ANO2: variants seen among roughly 807,000 people sequenced by gnomAD.
ANO2 encodes the protein anoctamin 2.
A neutral mutation model predicts 124.2 loss-of-function variants in ANO2; 101 were observed. The observed-to-expected ratio is 0.81, with a 90% CI of 0.69 to 0.96. ANO2 has a LOEUF of 0.96. Ranked by LOEUF, ANO2 falls within the 40% of genes least tolerant of loss-of-function variation. ANO2 has a pLI of 0.00. For missense variants in ANO2, 1,293 were observed against 1,274.5 expected (o/e 1.01, Z -0.22); for synonymous variants, 486 against 482.5 (o/e 1.01, Z -0.09).
At chr12:5,625,948 T>C (rs187002392) in intron 16 of ANO2, among the ~76,000 whole-genome samples, 189 of 152,268 alleles carry the variant, frequency 1.2e-3, no homozygotes, top group Admixed American at 2.4e-3. Context: ...TCAACATTTG[T>C]TGGGAAATAA....
chr12:5,740,689 A>G (rs1951064232), intron 12 of ANO2, among the ~76,000 whole-genome samples: 1 of 152,178 alleles, frequency 6.6e-6, no homozygotes, highest in African/African-American at 2.4e-5. Context: ...GGACAATGGC[A>G]TTTGGGCATT....
intron 7 of ANO2, among the ~76,000 whole-genome samples, chr12:5,809,067 CT>C (rs1188596859): frequency 6.6e-6 from 1 of 152,150 alleles, no homozygotes; most frequent in Non-Finnish European, 1.5e-5. Context: ...AAGTTTCTTC[CT>C]TGGCATGCAC....
At chr12:5,789,298 T>C (rs374005466) in intron 10 of ANO2, among the ~76,000 whole-genome samples, 10 of 152,370 alleles carry the variant, frequency 6.6e-5, no homozygotes, top group African/African-American at 2.4e-4. Context: ...AATGTCAGCC[T>C]AAGGAATTGC....
intron 3 of ANO2, 96 bp from the exon 4 acceptor site, chr12:5,854,237 T>A: frequency 9.0e-7 from 1 of 1,112,264 alleles, no homozygotes; most frequent in South Asian, 1.3e-5. Context: ...GCCCAACCCG[T>A]TGTTCTTCAG....
rs948790857 is a variant in ANO2, at chr12:5,832,703, G to A, written c.634-100C>T. 6.2e-6 allele frequency: 8 copies of A among 1,295,042 alleles called. No homozygotes were observed. The African/African-American group carries it at 9.0e-5, about 15-fold the overall frequency. 80.2% of individuals were successfully genotyped at this position (1,295,042 alleles called of 1,614,324 possible). A position where few individuals can be genotyped will look rare whatever the true frequency, so the allele number is the denominator to read the frequency against. ...TGCATGGACACAGATTCCCAGAGGT[G>A]AACATTGGAGAGAGGAAGAGACTGG... On this transcript the variant is annotated intron_variant, in intron 4 of 24. Coordinates refer to ENST00000682330, the MANE Select transcript of ANO2 (RefSeq NM_001364791.2).
At position 5,925,179 on chromosome 12, in the gene ANO2, G is replaced by T. The variant is rs1225398764; in HGVS notation, c.23-2375C>A. On this transcript the variant is annotated intron_variant, in intron 1 of 24. Coordinates refer to ENST00000682330, the MANE Select transcript of ANO2 (RefSeq NM_001364791.2). This position sits in a 1 kb window ranked among gnomAD's most constrained non-coding sequence, Gnocchi z 4.6. ...CATGATAAAGATGATGTTCACTCAAGGGCCACCCTACCCTGGCAGCTACAT... is the reference window on the plus strand; with the variant it reads ...CATGATAAAGATGATGTTCACTCAATGGCCACCCTACCCTGGCAGCTACAT... 6.6e-6 allele frequency among the ~76,000 whole-genome samples: 1 copy of T among 152,138 alleles called. No homozygotes were observed. The highest frequency in any genetic ancestry group is 1.5e-5 in the Non-Finnish European group (1 of 68,014).
intron 15 of ANO2, among the ~76,000 whole-genome samples, chr12:5,642,268 T>C (rs1322761837): frequency 6.6e-6 from 1 of 152,196 alleles, no homozygotes; most frequent in Non-Finnish European, 1.5e-5. Flanking sequence ...TCTCATTCTC[T>C]TGGTGATCTC....
intron 3 of ANO2, among the ~76,000 whole-genome samples, chr12:5,917,517 T>G (rs892839776): frequency 2.6e-5 from 4 of 152,082 alleles, no homozygotes; most frequent in African/African-American, 9.7e-5. Context: ...TGTTTCATCT[T>G]CATAATAACC....
chr12:5,619,397 A>C (rs1944996815), intron 16 of ANO2, among the ~76,000 whole-genome samples: 1 of 152,256 alleles, frequency 6.6e-6, no homozygotes, highest in Non-Finnish European at 1.5e-5. Context: ...TTGCAGGAAG[A>C]ATAACGCTGG....
intron 14 of ANO2, among the ~76,000 whole-genome samples, chr12:5,701,087 ATTTTT>A (rs56113538): frequency 2.1e-5 from 2 of 93,610 alleles, no homozygotes; most frequent in Admixed American, 1.4e-4. Context: ...GTCATTTTCA[ATTTTT>A]TTTTTTTTTT....
rs537554825 is a variant in ANO2, at chr12:5,880,092, C to T, written c.535-25951G>A. ...ACATGACCTGGTGTCCACCAGAACACGAGAGGAGAGAGAATCTAAGGAGGC... is the reference window on the plus strand; with the variant it reads ...ACATGACCTGGTGTCCACCAGAACATGAGAGGAGAGAGAATCTAAGGAGGC... On this transcript the variant is annotated intron_variant, in intron 3 of 24. Coordinates refer to ENST00000682330, the MANE Select transcript of ANO2 (RefSeq NM_001364791.2). 1.1e-4 allele frequency among the ~76,000 whole-genome samples: 17 copies of T among 152,158 alleles called. No individual in the cohort carries two copies. In the East Asian group the frequency reaches 2.7e-3, roughly 24 times the overall value.
At chr12:5,624,320 A>G (rs914292789) in intron 16 of ANO2, among the ~76,000 whole-genome samples, 3 of 151,436 alleles carry the variant, frequency 2.0e-5, no homozygotes, top group African/African-American at 7.4e-5. Context: ...GTTATAGGCC[A>G]ATCATGAGAA....
At chr12:5,891,137 T>G (rs1939360581) in intron 3 of ANO2, among the ~76,000 whole-genome samples, 1 of 152,152 alleles carries the variant, frequency 6.6e-6, no homozygotes, top group Non-Finnish European at 1.5e-5. Flanking sequence ...TGAGTCAGCT[T>G]AGACTCAAGC....
intron 14 of ANO2, among the ~76,000 whole-genome samples, chr12:5,731,962 C>A (rs546515224): frequency 1.3e-5 from 2 of 152,160 alleles, no homozygotes; most frequent in Non-Finnish European, 2.9e-5. Flanking sequence ...TATGGCATAG[C>A]GGTTAGAGGC....
At chr12:5,741,740 G>T (rs909464391) in intron 12 of ANO2, among the ~76,000 whole-genome samples, 1 of 152,188 alleles carries the variant, frequency 6.6e-6, no homozygotes, top group Non-Finnish European at 1.5e-5. Flanking sequence ...TCAATCACAT[G>T]TCACAAGAGC....
At chr12:5,717,005 T>C (rs1243186429) in intron 14 of ANO2, among the ~76,000 whole-genome samples, 2 of 152,254 alleles carry the variant, frequency 1.3e-5, no homozygotes, top group Middle Eastern at 3.4e-3. Context: ...ACCTGAGAAG[T>C]ATTTTTTAGG....
chr12:5,801,966 G>A (rs879274053), intron 9 of ANO2, among the ~76,000 whole-genome samples: 4 of 152,256 alleles, frequency 2.6e-5, no homozygotes, highest in East Asian at 1.9e-4. Flanking sequence ...ATATGCTTGC[G>A]TCAGGAGATG....
intron 20 of ANO2, among the ~76,000 whole-genome samples, chr12:5,580,128 C>G (rs956249786): frequency 6.6e-6 from 1 of 152,134 alleles, no homozygotes; most frequent in Non-Finnish European, 1.5e-5. Context: ...CCCCTACATA[C>G]TAAGGGCAAA....
intron 13 of ANO2, chr12:5,733,159 A>G: frequency 1.9e-6 from 1 of 525,790 alleles, no homozygotes; most frequent in Non-Finnish European, 3.5e-6. Flanking sequence ...CATCAAAGTC[A>G]AGGGTGGCCA....
Sources: gnomAD v4.1 joint callset for allele counts (sites outside exome capture counted in the v4.1 genomes callset) on GRCh38, gnomAD v4.1.1 for gene constraint, Gnocchi (gnomAD v3.1) non-coding constraint, MANE v1.5 for transcripts, NCBI Gene and HGNC (gene_info 2026-07-23, HGNC 2026-07-21) for gene names.